The following MATN2 variants were observed in gnomAD, a reference collection of about 807,000 sequenced individuals.
MATN2 encodes the protein matrilin 2.
MATN2 carries 69 observed loss-of-function variants against 103.2 expected under a neutral mutation model. The observed-to-expected ratio is 0.67, with a 90% CI of 0.55 to 0.82. MATN2 has a LOEUF of 0.82. Ranked by LOEUF, MATN2 falls within the 40% of genes least tolerant of loss-of-function variation. The pLI, the probability that MATN2 is intolerant of heterozygous loss-of-function variation, is 0.00. For missense variants in MATN2, 1,023 were observed against 1,211.5 expected, an observed-to-expected ratio of 0.84 and a Z score of 2.31; for synonymous variants, 429 against 450.2, an observed-to-expected ratio of 0.95 and a Z score of 0.60.
chr8:98,007,633 C>A lies in MATN2; in HGVS notation c.1573+32C>A, dbSNP rs1813019699. 1 of 1,589,836 alleles carries A rather than the reference C, an allele frequency of 6.3e-7. No homozygotes were observed. The highest frequency in any genetic ancestry group is 1.1e-5 in the South Asian group (1 of 90,038). ...GTCTGAAGGACAAGCAGGACCTGCA[C>A]AGGTGTTCCGTGGGTGCCGGTGTGG... On this transcript the variant is annotated intron_variant, in intron 10 of 18. Transcript: ENST00000254898. This position sits in a 1 kb window ranked among gnomAD's most constrained non-coding sequence, Gnocchi z 4.2.
In MATN2 at chr8:98,022,673, G is replaced by T. The variant is rs889541333; in HGVS notation, c.1942+1346G>T. 3.9e-5 allele frequency among the ~76,000 whole-genome samples: 5 copies of T among 127,060 alleles called. No homozygotes were observed. The Admixed American group carries it at 4.8e-4, about 12-fold the overall frequency. 83.4% of individuals were successfully genotyped at this position (127,060 alleles called of 152,430 possible). On this transcript the variant is annotated intron_variant, in intron 13 of 18. Coordinates refer to ENST00000254898, the MANE Select transcript of MATN2 (RefSeq NM_002380.5). ...ACTTGGAGAAGCTACAGCTTAGCAC[G>T]AGGACAAAGAAGCTTTCTACCAGGG...
intron 15 of MATN2, chr8:98,031,603 T>G (rs1204414963): frequency 6.6e-6 from 1 of 152,244 alleles, no homozygotes; most frequent in African/African-American, 2.4e-5. Context: ...CCAAGCCCAC[T>G]GTTAAAATTA....
rs975011641 is a variant in MATN2, at chr8:98,008,329, G to A, written c.1573+728G>A. Among the ~76,000 whole-genome samples, 10 of 152,220 alleles carry A rather than the reference G, an allele frequency of 6.6e-5. 1 individual carries two copies. In the South Asian group the frequency reaches 1.2e-3, roughly 19 times the overall value. ...GAAATCCTGTTTCGAAGTGGACCAA[G>A]ATAAAGAATCGAAATATGGTCATTT... On this transcript the variant is annotated intron_variant, in intron 10 of 18. Transcript: ENST00000254898.
chr8:97,870,327 T>C (rs943112258), intron 1 of MATN2, among the ~76,000 whole-genome samples: 1 of 152,114 alleles, frequency 6.6e-6, no homozygotes, highest in Non-Finnish European at 1.5e-5. Flanking sequence ...GAGACCAGCC[T>C]GACCAACATG....
chr8:97,930,593 T>C (rs1304910589), intron 2 of MATN2: 1 of 174,042 alleles, frequency 5.7e-6, no homozygotes, highest in Non-Finnish European at 1.2e-5. Flanking sequence ...CAGTCTGCCC[T>C]GGGTCCTTAA....
intron 4 of MATN2, 91 bp downstream of exon 4, chr8:97,941,990 T>C: frequency 6.8e-7 from 1 of 1,480,840 alleles, no homozygotes; most frequent in Non-Finnish European, 9.3e-7. Flanking sequence ...TCATCTGTGA[T>C]GCCTCACCCA....
At chr8:98,013,880 G>A (rs575654135) in intron 10 of MATN2, among the ~76,000 whole-genome samples, 11 of 152,260 alleles carry the variant, frequency 7.2e-5, no homozygotes, top group South Asian at 2.1e-4. Flanking sequence ...AGGCTGAAGC[G>A]GGAGGATCAC....
At chr8:97,996,448 G>T (rs1346732519) in intron 7 of MATN2, among the ~76,000 whole-genome samples, 1 of 152,178 alleles carries the variant, frequency 6.6e-6, no homozygotes, top group Admixed American at 6.6e-5. Flanking sequence ...GCAAGCTGTG[G>T]CCCCGACCAG....
chr8:97,972,671 AG>A (rs1216198022), intron 5 of MATN2, among the ~76,000 whole-genome samples: 7 of 152,244 alleles, frequency 4.6e-5, no homozygotes, highest in African/African-American at 1.7e-4. Context: ...CATTGATTTT[AG>A]GGTTTTATTA....
intron 1 of MATN2, among the ~76,000 whole-genome samples, chr8:97,880,879 G>A (rs1020605565): frequency 2.0e-5 from 3 of 152,086 alleles, no homozygotes; most frequent in African/African-American, 7.2e-5. Flanking sequence ...CACCATGCCC[G>A]GCCTGAAAAT....
At chr8:97,893,561 C>CTTATTTATTTATTTAT (rs57936657) in intron 2 of MATN2, among the ~76,000 whole-genome samples, 264 of 95,750 alleles carry the variant, frequency 2.8e-3, no homozygotes, top group East Asian at 8.5e-3. Context: ...CCAGAGTATT[C>CTTATTTATTTATTTAT]TTATTTATTT....
chr8:97,964,564 G>C (rs1192661692), intron 5 of MATN2, among the ~76,000 whole-genome samples: 1 of 150,234 alleles, frequency 6.7e-6, no homozygotes, highest in Non-Finnish European at 1.5e-5. Context: ...TCAGCCTCCT[G>C]AGTAGCTGGG....
chr8:97,993,624 G>A (rs2130353248), intron 6 of MATN2, among the ~76,000 whole-genome samples: 1 of 152,282 alleles, frequency 6.6e-6, no homozygotes, highest in South Asian at 2.1e-4. Context: ...CATTCTCTGT[G>A]AATCTTGAGG....
chr8:97,943,366 C>T (rs1258420430), intron 4 of MATN2, among the ~76,000 whole-genome samples: 1 of 151,984 alleles, frequency 6.6e-6, no homozygotes, highest in Non-Finnish European at 1.5e-5. Flanking sequence ...CACCATCTTG[C>T]CCACTCCCTT....
At chr8:97,954,446 G>A (rs1162773701) in intron 4 of MATN2, among the ~76,000 whole-genome samples, 1 of 152,120 alleles carries the variant, frequency 6.6e-6, no homozygotes, top group East Asian at 1.9e-4. Context: ...TAACAATCAG[G>A]TCTCCAGGAG....
At chr8:98,030,017 A>T (rs1160020625) in intron 14 of MATN2, among the ~76,000 whole-genome samples, 1 of 152,214 alleles carries the variant, frequency 6.6e-6, no homozygotes, top group East Asian at 1.9e-4. Context: ...AAGCAGCTTC[A>T]CTTGGCCTCA....
Position 97,888,226 on chromosome 8 carries a change from G to T in MATN2, c.126G>T (p.Pro42=). ...GGGGCAGACACGCTCGGACCCACCC[G>T]CAGACGGCCCTTCTGGGTGAGTGGT... is the stretch of plus-strand genomic sequence containing the variant. ...ISRGRHARTH[P]QTALLESSCE... Residue 42 remains proline, a synonymous_variant, in exon 2 of 19, where the codon CCG becomes CCT. Coordinates refer to ENST00000254898, the MANE Select transcript of MATN2 (RefSeq NM_002380.5). The T allele has an allele frequency of 1.3e-6, 2 of 1,564,820 alleles. No homozygotes were observed. Among genetic ancestry groups the T allele is most frequent in the East Asian group, 2.4e-5 (1 of 42,408 alleles).
At chr8:97,908,870 C>A (rs893719354) in intron 2 of MATN2, among the ~76,000 whole-genome samples, 1 of 152,214 alleles carries the variant, frequency 6.6e-6, no homozygotes, top group East Asian at 1.9e-4. Flanking sequence ...CTCAGGTGAT[C>A]CACCGGCCTT....
chr8:98,004,017 G>A (rs1347820846), intron 8 of MATN2: 12 of 438,166 alleles, frequency 2.7e-5, no homozygotes, highest in Admixed American at 6.7e-5. Context: ...GGCTGGGCGC[G>A]GTGGCTCACG....
Sources: gnomAD v4.1 joint callset for allele counts (sites outside exome capture counted in the v4.1 genomes callset) on GRCh38, gnomAD v4.1.1 for gene constraint, Gnocchi (gnomAD v3.1) non-coding constraint, MANE v1.5 for transcripts, NCBI Gene and HGNC (gene_info 2026-07-23, HGNC 2026-07-21) for gene names.